The following TBCA variants were observed in gnomAD, a reference collection of about 807,000 sequenced individuals.
The protein encoded by TBCA is tubulin folding cofactor A, also known as tubulin-specific chaperone A.
In TBCA, 6 loss-of-function variants were observed where a neutral mutation model predicts 15.8. The observed-to-expected ratio is 0.38, with a 90% CI of 0.21 to 0.75. The LOEUF is 0.75. TBCA is among the 30% of genes least tolerant of loss of function. The pLI, the probability that TBCA is intolerant of heterozygous loss-of-function variation, is 0.46. For synonymous variants in TBCA, 32 were observed against 42.3 expected, an observed-to-expected ratio of 0.76 and a Z score of 0.94; for missense variants, 90 against 131.2, an observed-to-expected ratio of 0.69 and a Z score of 1.53.
chr5:77,744,779 A>G (rs1747143972), intron 1 of TBCA, among the ~76,000 whole-genome samples: 1 of 151,614 alleles, frequency 6.6e-6, no homozygotes, highest in African/African-American at 2.4e-5. Flanking sequence ...CAAGTGATCC[A>G]CCCGCTTCGG....
chr5:77,694,838 T>A (rs922238324), intron 2 of TBCA, among the ~76,000 whole-genome samples: 2 of 152,214 alleles, frequency 1.3e-5, no homozygotes, highest in African/African-American at 4.8e-5. Flanking sequence ...ATCTATTTTC[T>A]CAGGTGGAAA....
chr5:77,733,337 C>T (rs1333837759), intron 1 of TBCA, among the ~76,000 whole-genome samples: 1 of 152,152 alleles, frequency 6.6e-6, no homozygotes, highest in Non-Finnish European at 1.5e-5. Context: ...ATGTGGAAAG[C>T]CAAGATAGGC....
chr5:77,731,289 T>C (rs1160272617), intron 1 of TBCA, among the ~76,000 whole-genome samples: 1 of 152,212 alleles, frequency 6.6e-6, no homozygotes, highest in Non-Finnish European at 1.5e-5. Flanking sequence ...TGAGGTACAA[T>C]ATAGTTATTA....
At chr5:77,698,587 A>G (rs1745928503) in intron 2 of TBCA, among the ~76,000 whole-genome samples, 1 of 152,230 alleles carries the variant, frequency 6.6e-6, no homozygotes, top group Non-Finnish European at 1.5e-5. Flanking sequence ...ACATTTAAAT[A>G]ACAATTAACA....
chr5:77,710,492 C>A (rs1201472007), intron 1 of TBCA, among the ~76,000 whole-genome samples: 1 of 152,004 alleles, frequency 6.6e-6, no homozygotes, highest in African/African-American at 2.4e-5. Flanking sequence ...TAAATGAAAC[C>A]TAAAGATGAT....
At chr5:77,691,533 T>C (rs1182317787) in intron 3 of TBCA, 35 bp from the exon 4 acceptor site, 1 of 1,532,806 alleles carries the variant, frequency 6.5e-7, no homozygotes, top group African/African-American at 1.4e-5. Context: ...AAGTTTATCC[T>C]TTTCAAGTTT....
At chr5:77,691,827 A>G (rs2662358) in intron 3 of TBCA, 505,364 of 1,009,374 alleles carry the variant, frequency 0.5, 127,064 homozygotes, top group Middle Eastern at 0.59. Context: ...ATCATCATAC[A>G]AAAGAGAAAA....
chr5:77,746,531 T>C (rs1373491943), intron 1 of TBCA, among the ~76,000 whole-genome samples: 1 of 152,174 alleles, frequency 6.6e-6, no homozygotes, highest in Non-Finnish European at 1.5e-5. Context: ...TCACTAACTT[T>C]TAGCAATAAA....
At chr5:77,752,968 C>G (rs1309229894) in intron 1 of TBCA, among the ~76,000 whole-genome samples, 1 of 152,158 alleles carries the variant, frequency 6.6e-6, no homozygotes, top group Admixed American at 6.5e-5. Flanking sequence ...GCGGGGATTA[C>G]AGGTATGAGC....
At position 77,700,358 on chromosome 5, in the gene TBCA, T is replaced by TA. The variant is rs202227314; in HGVS notation, c.160-7007dup. On this transcript the variant is annotated intron_variant, in intron 2 of 3. Transcript: ENST00000380377. ...CAATGAACTCTCAAAACTCAAATGTTAAAAAAAAAACAAAGCATCCAATTA... is the reference window on the plus strand; with the variant it reads ...CAATGAACTCTCAAAACTCAAATGTTAAAAAAAAAAACAAAGCATCCAATTA... Among the ~76,000 whole-genome samples, 226 of 147,672 alleles carry TA rather than the reference T, an allele frequency of 1.5e-3. 3 individuals carry two copies. The East Asian group carries it at 0.033, about 21-fold the overall frequency.
intron 2 of TBCA, among the ~76,000 whole-genome samples, chr5:77,699,265 T>G (rs894220314): frequency 6.6e-6 from 1 of 151,922 alleles, no homozygotes; most frequent in African/African-American, 2.4e-5. Context: ...ATTTAAAAAT[T>G]TACATGGAAA....
At chr5:77,772,969 A>G (rs1458373565) in intron 1 of TBCA, among the ~76,000 whole-genome samples, 1 of 152,212 alleles carries the variant, frequency 6.6e-6, no homozygotes, top group Admixed American at 6.5e-5. Context: ...CACTGGAATG[A>G]GAAATGTCAA....
At chr5:77,706,586 A>G (rs1002408692) in intron 2 of TBCA, among the ~76,000 whole-genome samples, 2 of 152,048 alleles carry the variant, frequency 1.3e-5, no homozygotes, top group African/African-American at 4.8e-5. Context: ...AGGCTAAGGT[A>G]GGCAGATCGC....
chr5:77,762,341 A>T (rs989363689), intron 1 of TBCA, among the ~76,000 whole-genome samples: 7 of 152,222 alleles, frequency 4.6e-5, no homozygotes, highest in African/African-American at 1.7e-4. Flanking sequence ...AGCATAGTTT[A>T]AAAAGATTAA....
rs893722156 is a variant in TBCA, at chr5:77,708,103, C to T, written c.159+139G>A. The T allele has an allele frequency of 1.0e-5, 6 of 588,674 alleles. No individual in the cohort carries two copies. In the East Asian group the frequency reaches 1.2e-4, roughly 12 times the overall value. The allele number at this position is 588,674 out of a possible 1,614,324, so 36.5% of individuals were successfully genotyped here. ...AGTTATTTAACCTGTGTTTGAGTTT[C>T]CTTATCTTTAAATGGAAGTTTTAAT... On this transcript the variant is annotated intron_variant, in intron 2 of 3. Coordinates refer to ENST00000380377, the MANE Select transcript of TBCA (RefSeq NM_004607.3).
chr5:77,697,817 A>G (rs1445224631), intron 2 of TBCA, among the ~76,000 whole-genome samples: 2 of 152,152 alleles, frequency 1.3e-5, no homozygotes, highest in African/African-American at 4.8e-5. Context: ...AAAGCAATAG[A>G]CAAAACTGTA....
chr5:77,731,516 A>G (rs1053418488), intron 1 of TBCA, among the ~76,000 whole-genome samples: 3 of 151,966 alleles, frequency 2.0e-5, no homozygotes, highest in Non-Finnish European at 4.4e-5. Flanking sequence ...ATCCAATCCT[A>G]TTTTTTCTTT....
At chr5:77,749,318 A>G (rs1747260960) in intron 1 of TBCA, among the ~76,000 whole-genome samples, 2 of 152,244 alleles carry the variant, frequency 1.3e-5, no homozygotes. Context: ...TACAGTTATT[A>G]TATGCGTAAT....
chr5:77,711,618 T>C (rs1746279637), intron 1 of TBCA, among the ~76,000 whole-genome samples: 1 of 152,166 alleles, frequency 6.6e-6, no homozygotes, highest in Non-Finnish European at 1.5e-5. Context: ...AAAACAATTC[T>C]GAAGCAGAAA....
Sources: gnomAD v4.1 joint callset for allele counts (sites outside exome capture counted in the v4.1 genomes callset) on GRCh38, gnomAD v4.1.1 for gene constraint, MANE v1.5 for transcripts, NCBI Gene and HGNC (gene_info 2026-07-23, HGNC 2026-07-21) for gene names.